CGNL1: variants seen among roughly 807,000 people sequenced by gnomAD.
CGNL1 encodes cingulin-like protein 1.
In CGNL1, 132 loss-of-function variants were observed where a neutral mutation model predicts 141.2. The observed-to-expected ratio is 0.93, with a 90% CI of 0.81 to 1.08. CGNL1 has a LOEUF of 1.08. Among genes scored for constraint, CGNL1 ranks in the 50% least tolerant of loss-of-function variants. The pLI, the probability that CGNL1 is intolerant of heterozygous loss-of-function variation, is 0.00. For synonymous variants in CGNL1, 690 were observed against 622.1 expected, an observed-to-expected ratio of 1.11 and a Z score of -1.63; for missense variants, 1,870 against 1,588.6, an observed-to-expected ratio of 1.18 and a Z score of -3.01.
At chr15:57,486,465 T>C (rs1172011380) in intron 8 of CGNL1, among the ~76,000 whole-genome samples, 1 of 152,208 alleles carries the variant, frequency 6.6e-6, no homozygotes, top group Non-Finnish European at 1.5e-5. Context: ...TAAACTGTTC[T>C]TATCACCAAA....
intron 1 of CGNL1, among the ~76,000 whole-genome samples, chr15:57,392,880 T>TA (rs1250904671): frequency 2.6e-5 from 4 of 152,168 alleles, no homozygotes; most frequent in African/African-American, 4.8e-5. Context: ...GACTAATACA[T>TA]AAAAAATTGT....
Position 57,516,791 on chromosome 15 carries a change from C to T in CGNL1, c.2415C>T (p.Val805=), listed in dbSNP as rs777491286. Residue 805 remains valine, a synonymous_variant, in exon 9 of 19, where the codon GTC becomes GTT. Coordinates refer to ENST00000281282, the MANE Select transcript of CGNL1 (RefSeq NM_032866.5). ...TGTGTTTTTAACAGAATGTCGAGGTCTTGGCGAGCAGGAGCAACACTTCAG... is the reference window on the plus strand; with the variant it reads ...TGTGTTTTTAACAGAATGTCGAGGTTTTGGCGAGCAGGAGCAACACTTCAG... ...SVEEATKNVE[V]LASRSNTSEQ... is the part of the protein sequence containing the mutation. The T allele has an allele frequency of 6.2e-7, 1 of 1,614,120 alleles. No individual in the cohort carries two copies. Among genetic ancestry groups the T allele is most frequent in the Non-Finnish European group, 8.5e-7 (1 of 1,180,008 alleles).
intron 8 of CGNL1, among the ~76,000 whole-genome samples, chr15:57,509,353 G>T (rs1253603686): frequency 6.6e-6 from 1 of 152,208 alleles, no homozygotes; most frequent in Non-Finnish European, 1.5e-5. Context: ...AGACAGAAAG[G>T]AAACAAAAGC....
chr15:57,440,289 G>A, intron 2 of CGNL1, 88 bp from the exon 3 acceptor site: 1 of 922,202 alleles, frequency 1.1e-6, no homozygotes, highest in Non-Finnish European at 1.7e-6. Context: ...CTGGCTCTAA[G>A]AAGGATGCTC....
At chr15:57,501,637 G>C (rs2064026327) in intron 8 of CGNL1, among the ~76,000 whole-genome samples, 2 of 152,190 alleles carry the variant, frequency 1.3e-5, no homozygotes, top group South Asian at 4.2e-4. Flanking sequence ...GGTGTTGTCT[G>C]ATTTTCCCCC....
chr15:57,538,877 A>G (rs1228660340), intron 14 of CGNL1, among the ~76,000 whole-genome samples: 1 of 152,166 alleles, frequency 6.6e-6, no homozygotes, highest in East Asian at 1.9e-4. Flanking sequence ...GTTTGCGAAG[A>G]CACAACGGGG....
At chr15:57,413,299 G>A (rs762623142) in intron 1 of CGNL1, among the ~76,000 whole-genome samples, 2 of 130,656 alleles carry the variant, frequency 1.5e-5, no homozygotes, top group Non-Finnish European at 1.6e-5. Context: ...TTGAGACAGG[G>A]TCTTGCTCTG....
At chr15:57,444,863 C>T (rs1292158307) in intron 4 of CGNL1, among the ~76,000 whole-genome samples, 1 of 152,120 alleles carries the variant, frequency 6.6e-6, no homozygotes, top group African/African-American at 2.4e-5. Context: ...GATGGGTTAC[C>T]ATTGTTGGAT....
At chr15:57,540,750 C>T (rs2032521130) in intron 14 of CGNL1, among the ~76,000 whole-genome samples, 1 of 152,176 alleles carries the variant, frequency 6.6e-6, no homozygotes, top group Non-Finnish European at 1.5e-5. Context: ...CATTTGTCCC[C>T]CACTAGGCTA....
At chr15:57,511,234 A>T (rs12595135) in intron 8 of CGNL1, among the ~76,000 whole-genome samples, 24,663 of 152,028 alleles carry the variant, frequency 0.16, 2,437 homozygotes, top group East Asian at 0.47. Context: ...GCCAACTAAA[A>T]ACATCTTTAT....
chr15:57,383,396 T>G (rs1275187903), intron 1 of CGNL1, among the ~76,000 whole-genome samples: 1 of 150,736 alleles, frequency 6.6e-6, no homozygotes, highest in Non-Finnish European at 1.5e-5. Context: ...CCTCCTGCAT[T>G]CAAGCCATTC....
At chr15:57,476,640 G>A (rs1179653750) in intron 8 of CGNL1, among the ~76,000 whole-genome samples, 1 of 152,176 alleles carries the variant, frequency 6.6e-6, no homozygotes, top group Non-Finnish European at 1.5e-5. Context: ...TGTGTTCACG[G>A]TGACCACACG....
At chr15:57,445,846 ATCATGTTATTT>A (rs1165080327) in intron 4 of CGNL1, among the ~76,000 whole-genome samples, 2 of 152,196 alleles carry the variant, frequency 1.3e-5, no homozygotes, top group African/African-American at 4.8e-5. Context: ...TGAGAGAATC[ATCATGTTATTT>A]TCATGGAAGA....
chr15:57,516,107 C>A (rs551318926), intron 8 of CGNL1, among the ~76,000 whole-genome samples: 21 of 147,628 alleles, frequency 1.4e-4, no homozygotes, highest in Non-Finnish European at 2.5e-4. Flanking sequence ...TGCAGTGAGC[C>A]GACATCGCGC....
chr15:57,412,297 G>C (rs1220649998), intron 1 of CGNL1, among the ~76,000 whole-genome samples: 1 of 152,182 alleles, frequency 6.6e-6, no homozygotes, highest in East Asian at 1.9e-4. Flanking sequence ...TTATCCTCAA[G>C]ACCTTTTCTG....
chr15:57,540,774 C>T (rs1442421142), intron 14 of CGNL1, among the ~76,000 whole-genome samples: 1 of 152,210 alleles, frequency 6.6e-6, no homozygotes, highest in Admixed American at 6.5e-5. Context: ...GGAGAGCGGG[C>T]ACTTTCTGGG....
intron 1 of CGNL1, chr15:57,407,420 G>A (rs2062735785): frequency 6.6e-6 from 1 of 152,144 alleles, no homozygotes; most frequent in Non-Finnish European, 1.5e-5. Flanking sequence ...CAGCACTTTG[G>A]AAGGATTCCC....
chr15:57,452,261 G>C lies in CGNL1; in HGVS notation c.2026G>C (p.Glu676Gln). The C allele has an allele frequency of 6.2e-7, 1 of 1,613,890 alleles. No homozygotes were observed. The highest frequency in any genetic ancestry group is 8.5e-7 in the Non-Finnish European group (1 of 1,179,874). ...STLQQRLEES[E>Q]GELRKNLEEL... Reference sequence around the variant, plus strand: ...ATTGCAGCAACGACTGGAAGAAAGTGAAGGGGAGCTCCGGAAGAATCTGGA... The same window carrying C: ...ATTGCAGCAACGACTGGAAGAAAGTCAAGGGGAGCTCCGGAAGAATCTGGA... Residue 676 changes from glutamate (E) to glutamine (Q), a missense_variant, in exon 6 of 19, where the codon GAA becomes CAA. Coordinates refer to ENST00000281282, the MANE Select transcript of CGNL1 (RefSeq NM_032866.5).
rs1199678275 is a variant in CGNL1 at position 57,402,966 on chromosome 15, C to A, written c.-16+26399C>A. Among the ~76,000 whole-genome samples, 4 of 152,240 alleles carry A rather than the reference C, an allele frequency of 2.6e-5. No individual in the cohort carries two copies. In the East Asian group the frequency reaches 7.7e-4, roughly 29 times the overall value. On this transcript the variant is annotated intron_variant, in intron 1 of 18. Transcript: ENST00000281282. ...ATTCTAACTGCACATATGCGTAATT[C>A]CAAATGAAAATATAAGGGGTGGGCA...
Sources: gnomAD v4.1 joint callset for allele counts (sites outside exome capture counted in the v4.1 genomes callset) on GRCh38, gnomAD v4.1.1 for gene constraint, MANE v1.5 for transcripts, NCBI Gene and HGNC (gene_info 2026-07-23, HGNC 2026-07-21) for gene names.